Variants in RRAGC observed in about 807,000 individuals in gnomAD.
RRAGC encodes Ras related GTP binding C.
Under a neutral mutation model 37.1 loss-of-function variants are expected in RRAGC, and 8 were observed. The observed-to-expected ratio is 0.22, with a 90% CI of 0.13 to 0.39. The LOEUF (loss-of-function observed/expected upper bound fraction) is 0.39. Ranked by LOEUF, RRAGC falls within the 10% of genes least tolerant of loss-of-function variation. The pLI is 1.00. For missense variants in RRAGC, 342 were observed against 497.6 expected (o/e 0.69, Z 2.98); for synonymous variants, 190 against 181.1 (o/e 1.05, Z -0.39).
chr1:38,852,306 A>T, intron 4 of RRAGC, 68 bp downstream of exon 4: 1 of 915,254 alleles, frequency 1.1e-6, no homozygotes, highest in Non-Finnish European at 1.8e-6. Flanking sequence ...GAAAATTTGA[A>T]AACACAAATA....
chr1:38,845,170 G>A lies in RRAGC; in HGVS notation c.1048+769C>T, dbSNP rs181045139. Among the ~76,000 whole-genome samples the A allele has an allele frequency of 4.6e-5, 7 of 152,200 alleles. No individual in the cohort carries two copies. In the East Asian group the frequency reaches 5.8e-4, roughly 13 times the overall value. ...AAACCATTCTACTATAAAGACACAC[G>A]CACACGTATGCTTATTGCAGCACTC... On this transcript the variant is annotated intron_variant, in intron 6 of 6. Coordinates refer to ENST00000373001, the MANE Select transcript of RRAGC (RefSeq NM_022157.4).
intron 5 of RRAGC, chr1:38,847,567 T>C (rs1327894547): frequency 6.6e-6 from 1 of 152,152 alleles, no homozygotes; most frequent in Non-Finnish European, 1.5e-5. Flanking sequence ...TGTATTTTTT[T>C]TTTCATGAAG....
At chr1:38,840,241 C>G (rs1292726717) in intron 6 of RRAGC, among the ~76,000 whole-genome samples, 1 of 151,978 alleles carries the variant, frequency 6.6e-6, no homozygotes, top group Non-Finnish European at 1.5e-5. Context: ...ATTAGACCAT[C>G]ACCTTGGCCA....
chr1:38,857,296 TA>T (rs1304576934), intron 1 of RRAGC, among the ~76,000 whole-genome samples: 1 of 152,224 alleles, frequency 6.6e-6, no homozygotes, highest in Non-Finnish European at 1.5e-5. Flanking sequence ...ATTTTGGAGC[TA>T]AATCTTTTCT....
chr1:38,856,848 A>G, intron 2 of RRAGC, 31 bp downstream of exon 2: 2 of 1,590,988 alleles, frequency 1.3e-6, no homozygotes, highest in Non-Finnish European at 8.6e-7. Flanking sequence ...TTTTCCCACC[A>G]GGAAAGAGGA....
At chr1:38,848,026 C>A (rs1430813697) in intron 5 of RRAGC, 8 of 122,622 alleles carry the variant, frequency 6.5e-5, no homozygotes, top group African/African-American at 3.0e-4. Flanking sequence ...CAACAGAGAC[C>A]CTATCTCAAA....
intron 6 of RRAGC, among the ~76,000 whole-genome samples, chr1:38,844,478 A>G (rs904482495): frequency 1.3e-5 from 2 of 151,468 alleles, no homozygotes; most frequent in African/African-American, 4.8e-5. Flanking sequence ...AAGAAACAGG[A>G]GAGGTGGTCG....
intron 6 of RRAGC, among the ~76,000 whole-genome samples, chr1:38,843,079 C>T (rs184994066): frequency 3.3e-5 from 5 of 152,240 alleles, no homozygotes; most frequent in East Asian, 1.9e-4. Context: ...TCTATAATCC[C>T]GGCACTTTGG....
At chr1:38,840,871 A>G (rs1420516457) in intron 6 of RRAGC, among the ~76,000 whole-genome samples, 1 of 152,248 alleles carries the variant, frequency 6.6e-6, no homozygotes, top group Non-Finnish European at 1.5e-5. Flanking sequence ...GTTTTGATCA[A>G]TTCAACTACA....
intron 5 of RRAGC, chr1:38,846,548 C>G (rs1242822764): frequency 6.6e-6 from 1 of 152,646 alleles, no homozygotes. Flanking sequence ...CACATTTTCA[C>G]AGAAAACATA....
chr1:38,853,945 T>C (rs529491517), intron 3 of RRAGC, among the ~76,000 whole-genome samples: 1 of 152,180 alleles, frequency 6.6e-6, no homozygotes, highest in East Asian at 1.9e-4. Context: ...CCTTTGAGGC[T>C]TGAGGTAAAT....
Position 38,859,392 on chromosome 1 carries a change from G to A in RRAGC, c.237+18C>T, listed in dbSNP as rs971921762. The stretch of plus-strand genomic sequence containing the variant: ...AGAACCGGGGAGGGGGCGGGGGACT[G>A]GGCGCAGCCCTGCTCACCTTCTGGA... On this transcript the variant is annotated intron_variant, in intron 1 of 6. Coordinates refer to ENST00000373001, the MANE Select transcript of RRAGC (RefSeq NM_022157.4). 2 of 1,544,004 alleles carry A rather than the reference G, an allele frequency of 1.3e-6. No homozygotes were observed. Among genetic ancestry groups the A allele is most frequent in the Non-Finnish European group, 1.7e-6 (2 of 1,143,670 alleles).
rs774971785 is a variant in RRAGC, at chr1:38,855,833, A to C, written c.516T>G (p.Asn172Lys). The C allele has an allele frequency of 6.2e-7, 1 of 1,614,040 alleles. No homozygotes were observed. Among genetic ancestry groups the C allele is most frequent in the Non-Finnish European group, 8.5e-7 (1 of 1,179,884 alleles). Residue 172 changes from asparagine (N) to lysine (K), a missense_variant, in exon 3 of 7, where the codon AAT (asparagine) becomes AAG (lysine). This residue lies in a region of RRAGC where 134 missense variants were observed against 277.2 expected (regional missense o/e 0.48). Transcript: ENST00000373001. Reference sequence around the variant, plus strand: ...CAACTTTGTGAATAAAAACCTCAAAATTCATGTCTGGGTTAACTTTGTAGG... The same window carrying C: ...CAACTTTGTGAATAAAAACCTCAAACTTCATGTCTGGGTTAACTTTGTAGG... ...SKAYKVNPDM[N>K]FEVFIHKVDG...
At chr1:38,846,347 A>G in intron 5 of RRAGC, 1 of 332,448 alleles carries the variant, frequency 3.0e-6, no homozygotes, top group Non-Finnish European at 5.4e-6. Context: ...AAACATATGT[A>G]TATCTTAACC....
intron 5 of RRAGC, among the ~76,000 whole-genome samples, chr1:38,850,760 C>G (rs1480727460): frequency 6.6e-6 from 1 of 151,998 alleles, no homozygotes; most frequent in Non-Finnish European, 1.5e-5. Context: ...ATCTGAAAAG[C>G]AACTTGAGAG....
chr1:38,849,982 GGA>G lies in RRAGC; in HGVS notation c.899+1631_899+1632del, dbSNP rs1174860246. On this transcript the variant is annotated intron_variant, in intron 5 of 6. Coordinates refer to ENST00000373001, the MANE Select transcript of RRAGC (RefSeq NM_022157.4). ...AGCGCTTTGGGAGGCCACGGCGGGT[GGA>G]TCACGAGGTCAGGAGTTCGAGACCA... Among the ~76,000 whole-genome samples, 262 of 151,966 alleles carry G rather than the reference GGA, an allele frequency of 1.7e-3. 1 individual carries two copies. The highest frequency in any genetic ancestry group is 5.9e-3 in the African/African-American group (246 of 41,458).
At chr1:38,854,682 A>G (rs1394528911) in intron 3 of RRAGC, among the ~76,000 whole-genome samples, 1 of 152,216 alleles carries the variant, frequency 6.6e-6, no homozygotes, top group Non-Finnish European at 1.5e-5. Context: ...TTATTTTCAA[A>G]TTATTTAGAA....
chr1:38,859,483 C>G lies in RRAGC; in HGVS notation c.164G>C (p.Gly55Ala), dbSNP rs762473983. ...CCTCGGCTTGGAGCTGTCAGCGCCC[C>G]CCGGACCACAGCCACCGCCTGCCCC... ...GAGAGGGCGP[G>A]GADSSKPRIL... is the part of the protein sequence containing the mutation. Residue 55 changes from glycine (G) to alanine (A), a missense_variant, in exon 1 of 7, where the codon GGG becomes GCG. By Grantham distance (60) the Gly-to-Ala change is moderately conservative. Coordinates refer to ENST00000373001, the MANE Select transcript of RRAGC (RefSeq NM_022157.4). 4.7e-5 allele frequency: 73 copies of G among 1,547,972 alleles called. No individual in the cohort carries two copies. The Middle Eastern group carries it at 1.8e-3, about 38-fold the overall frequency.
chr1:38,857,135 T>C (rs113222535), intron 1 of RRAGC, 53 bp from the exon 2 acceptor site: 1 of 1,408,154 alleles, frequency 7.1e-7, no homozygotes, highest in Non-Finnish European at 9.9e-7. Flanking sequence ...GAATTTAAAT[T>C]TAAAATTCCA....
Sources: gnomAD v4.1 joint callset for allele counts (sites outside exome capture counted in the v4.1 genomes callset) on GRCh38, gnomAD v4.1.1 for gene constraint, gnomAD v4.1.1 regional missense constraint, MANE v1.5 for transcripts, NCBI Gene and HGNC (gene_info 2026-07-23, HGNC 2026-07-21) for gene names.